The following EPHA6 variants were observed in gnomAD, a reference collection of about 807,000 sequenced individuals.
The protein encoded by EPHA6 is ephrin type-A receptor 6.
Under a neutral mutation model 112.0 loss-of-function variants are expected in EPHA6, and 50 were observed. The observed-to-expected ratio is 0.45, with a 90% CI of 0.36 to 0.56. The LOEUF is 0.56. EPHA6 is among the 20% of genes least tolerant of loss of function. The pLI is 0.00. For synonymous variants in EPHA6, 529 were observed against 490.7 expected (o/e 1.08, Z -1.03); for missense variants, 1,280 against 1,417.4 (o/e 0.90, Z 1.56).
rs541915196 is a variant in EPHA6 at position 96,952,355 on chromosome 3, G to C, written c.451-34975G>C. 3.3e-5 allele frequency among the ~76,000 whole-genome samples: 5 copies of C among 152,298 alleles called. No homozygotes were observed. In the East Asian group the frequency reaches 9.7e-4, roughly 29 times the overall value. The stretch of plus-strand genomic sequence containing the variant: ...TATTGTGAGGTGGTAGGGCCTTTAA[G>C]AGGTGTTTGGATCGTGAAGGCTTTA... On this transcript the variant is annotated intron_variant, in intron 2 of 17. Coordinates refer to ENST00000389672, the MANE Select transcript of EPHA6 (RefSeq NM_001080448.3).
intron 16 of EPHA6, among the ~76,000 whole-genome samples, chr3:97,747,048 G>T (rs2035745588): frequency 6.6e-6 from 1 of 151,802 alleles, no homozygotes; most frequent in South Asian, 2.1e-4. Context: ...GGGGATAAGG[G>T]ATGGGCTATT....
At chr3:96,986,272 G>T (rs2043018869) in intron 2 of EPHA6, among the ~76,000 whole-genome samples, 1 of 152,106 alleles carries the variant, frequency 6.6e-6, no homozygotes, top group African/African-American at 2.4e-5. Context: ...ATGCAATCAA[G>T]TGGCAAACTG....
intron 12 of EPHA6, among the ~76,000 whole-genome samples, chr3:97,603,702 C>A (rs1248656535): frequency 6.6e-6 from 1 of 151,848 alleles, no homozygotes; most frequent in Admixed American, 6.6e-5. Context: ...CTACTTTTAG[C>A]AGATGTTATT....
chr3:97,028,020 C>T (rs2044702296), intron 3 of EPHA6, among the ~76,000 whole-genome samples: 1 of 152,118 alleles, frequency 6.6e-6, no homozygotes, highest in African/African-American at 2.4e-5. Flanking sequence ...TACTCTCTGG[C>T]ACTTTAAACA....
At chr3:97,168,053 A>T (rs1412398023) in intron 3 of EPHA6, among the ~76,000 whole-genome samples, 1 of 152,066 alleles carries the variant, frequency 6.6e-6, no homozygotes, top group Non-Finnish European at 1.5e-5. Flanking sequence ...CACTTAAGAA[A>T]TTTTTCTTAA....
chr3:97,150,361 A>G (rs1294213463), intron 3 of EPHA6, among the ~76,000 whole-genome samples: 3 of 152,124 alleles, frequency 2.0e-5, no homozygotes, highest in Non-Finnish European at 4.4e-5. Context: ...GCCTTTTACA[A>G]AAGAGATAGT....
chr3:97,414,234 T>C (rs1212851095), intron 6 of EPHA6, among the ~76,000 whole-genome samples: 1 of 152,082 alleles, frequency 6.6e-6, no homozygotes, highest in African/African-American at 2.4e-5. Context: ...TAGATTTGTA[T>C]TACTTAATAT....
intron 10 of EPHA6, among the ~76,000 whole-genome samples, chr3:97,497,050 C>G: frequency 6.6e-6 from 1 of 152,286 alleles, no homozygotes; most frequent in South Asian, 2.1e-4. Context: ...CCACCAACAC[C>G]TCTCCTAGCC....
At chr3:97,010,241 A>G (rs1387517559) in intron 3 of EPHA6, 3 of 483,114 alleles carry the variant, frequency 6.2e-6, no homozygotes, top group Non-Finnish European at 9.9e-6. Context: ...TTGTAATATC[A>G]TGTAATAACT....
chr3:97,143,592 C>T (rs1559754682), intron 3 of EPHA6, among the ~76,000 whole-genome samples: 1 of 151,714 alleles, frequency 6.6e-6, no homozygotes, highest in Non-Finnish European at 1.5e-5. Context: ...ATACAACTAC[C>T]TCAATCTTGC....
rs757619030 is a variant in EPHA6, at chr3:97,747,475, G to T, written c.3181G>T (p.Gly1061Cys). The stretch of plus-strand genomic sequence containing the variant: ...GGAATATCCTTTGTTTGTCACAGTT[G>T]GTGACTGGCTAGATTCTATAAAGAT... Reference protein sequence around the residue: ...VPEYPLFVTVGDWLDSIKMGQ... With the variant: ...VPEYPLFVTVCDWLDSIKMGQ... Residue 1061 changes from glycine (G) to cysteine (C), a missense_variant, in exon 17 of 18, where the codon GGT becomes TGT. Gly to Cys is a radical substitution (Grantham distance 159, BLOSUM62 -3). This residue lies in a region of EPHA6 where 145 missense variants were observed against 153.3 expected (regional missense o/e 0.95). Transcript: ENST00000389672. 1.9e-6 allele frequency: 3 copies of T among 1,605,066 alleles called. No individual in the cohort carries two copies. The African/African-American group carries it at 4.0e-5, about 22-fold the overall frequency.
chr3:97,409,303 T>TA (rs573639740), intron 6 of EPHA6, among the ~76,000 whole-genome samples: 71 of 152,150 alleles, frequency 4.7e-4, no homozygotes, highest in Admixed American at 1.9e-3. Context: ...TAGATGGTAA[T>TA]TAATAGATAC....
rs551176882 is a variant in EPHA6, at chr3:97,757,527, A to G, written c.*8826A>G. Among the ~76,000 whole-genome samples, 30 of 151,810 alleles carry G rather than the reference A, an allele frequency of 2.0e-4. No individual in the cohort carries two copies. The Middle Eastern group carries it at 0.011, about 55-fold the overall frequency. On this transcript the variant is annotated 3_prime_UTR_variant, in exon 18 of 18. Coordinates refer to ENST00000389672, the MANE Select transcript of EPHA6 (RefSeq NM_001080448.3). ...ACATTGAATATTGGACTGCCATAGC[A>G]CTTTAAACATATTAATAAATTATCC...
intron 9 of EPHA6, among the ~76,000 whole-genome samples, chr3:97,479,588 C>T (rs2091471866): frequency 6.6e-6 from 1 of 152,126 alleles, no homozygotes; most frequent in Non-Finnish European, 1.5e-5. Flanking sequence ...CTGGAAAACA[C>T]AACAGACTGA....
intron 3 of EPHA6, among the ~76,000 whole-genome samples, chr3:97,150,046 A>G (rs1190384224): frequency 6.6e-6 from 1 of 151,870 alleles, no homozygotes; most frequent in Admixed American, 6.6e-5. Context: ...TAGGAAGTCA[A>G]CATTTCCTTC....
At chr3:97,122,486 C>T (rs773909676) in intron 3 of EPHA6, among the ~76,000 whole-genome samples, 26 of 151,854 alleles carry the variant, frequency 1.7e-4, no homozygotes, top group Non-Finnish European at 3.7e-4. Context: ...CATTTTTCTA[C>T]TGAGTAGATA....
chr3:97,386,486 T>G (rs1356555322), intron 5 of EPHA6, among the ~76,000 whole-genome samples: 1 of 152,224 alleles, frequency 6.6e-6, no homozygotes, highest in Non-Finnish European at 1.5e-5. Context: ...ATGATCTACT[T>G]TGACTCCATG....
chr3:96,950,105 G>T (rs907046619), intron 2 of EPHA6, among the ~76,000 whole-genome samples: 3 of 152,024 alleles, frequency 2.0e-5, no homozygotes, highest in Non-Finnish European at 4.4e-5. Flanking sequence ...ACTGTGTTTA[G>T]CAGACATTAA....
At chr3:97,092,169 C>T (rs1027605845) in intron 3 of EPHA6, among the ~76,000 whole-genome samples, 5 of 151,006 alleles carry the variant, frequency 3.3e-5, no homozygotes, top group Non-Finnish European at 4.4e-5. Flanking sequence ...GAACGTTTTC[C>T]CTGGGAAAGC....
Sources: allele counts gnomAD v4.1 joint callset (sites outside exome capture counted in the v4.1 genomes callset), GRCh38; gene constraint gnomAD v4.1.1; regional missense constraint gnomAD v4.1.1; transcripts MANE v1.5; gene names NCBI Gene and HGNC (gene_info 2026-07-23, HGNC 2026-07-21).